Variants in ZNF236 observed in about 807,000 individuals in gnomAD.
ZNF236 encodes regulated by glucose.
ZNF236 carries 50 observed loss-of-function variants against 191.2 expected under a neutral mutation model. That is an observed-to-expected ratio of 0.26 (90% CI 0.21 to 0.33). The LOEUF (loss-of-function observed/expected upper bound fraction) is 0.33. Among genes scored for constraint, ZNF236 ranks in the 10% least tolerant of loss-of-function variants. ZNF236 has a pLI of 1.00. For synonymous variants in ZNF236, 907 were observed against 928.8 expected, an observed-to-expected ratio of 0.98 and a Z score of 0.43; for missense variants, 1,754 against 2,374.5, an observed-to-expected ratio of 0.74 and a Z score of 5.43.
intron 3 of ZNF236, among the ~76,000 whole-genome samples, chr18:76,858,146 C>T (rs1415143373): frequency 6.6e-6 from 1 of 152,122 alleles, no homozygotes; most frequent in African/African-American, 2.4e-5. Flanking sequence ...GTTTTTGGTT[C>T]TGTGTTGTTG....
At chr18:76,832,336 C>G (rs536190107) in intron 1 of ZNF236, among the ~76,000 whole-genome samples, 60 of 152,308 alleles carry the variant, frequency 3.9e-4, no homozygotes, top group Middle Eastern at 3.4e-3. Flanking sequence ...CCACCTTGAC[C>G]TCCCAAAGTG....
intron 27 of ZNF236, among the ~76,000 whole-genome samples, chr18:76,955,014 T>C (rs1039692359): frequency 1.3e-5 from 2 of 152,230 alleles, no homozygotes; most frequent in African/African-American, 4.8e-5. Flanking sequence ...ATTTGATAAA[T>C]TAGGAATAAT....
At chr18:76,835,143 C>T (rs940839860) in intron 1 of ZNF236, among the ~76,000 whole-genome samples, 2 of 152,110 alleles carry the variant, frequency 1.3e-5, no homozygotes, top group African/African-American at 4.8e-5. Flanking sequence ...CTTGTCTTCA[C>T]TAAGTTCAAG....
intron 25 of ZNF236, among the ~76,000 whole-genome samples, chr18:76,934,812 C>T (rs779924780): frequency 2.0e-5 from 3 of 152,140 alleles, no homozygotes; most frequent in Non-Finnish European, 4.4e-5. Context: ...TTCAGTTAAT[C>T]GCAAGAAAAA....
At chr18:76,890,051 G>A (rs556171097) in intron 9 of ZNF236, among the ~76,000 whole-genome samples, 4 of 152,194 alleles carry the variant, frequency 2.6e-5, no homozygotes, top group African/African-American at 4.8e-5. Flanking sequence ...TGCAGTGGCC[G>A]TGTGTGTAGC....
chr18:76,955,877 C>T (rs769042083), intron 27 of ZNF236, 108 bp from the exon 28 acceptor site: 52 of 1,249,564 alleles, frequency 4.2e-5, no homozygotes, highest in East Asian at 1.8e-4. Context: ...GTGGGCTTGG[C>T]GTGTCCGTGC....
intron 16 of ZNF236, 49 bp downstream of exon 16, chr18:76,910,860 A>G (rs1172763617): frequency 2.5e-6 from 4 of 1,588,402 alleles, no homozygotes; most frequent in African/African-American, 2.7e-5. Context: ...AGCAGGTGCT[A>G]TGTTATTCTT....
At chr18:76,860,485 C>T (rs141898835) in intron 3 of ZNF236, among the ~76,000 whole-genome samples, 11 of 152,348 alleles carry the variant, frequency 7.2e-5, no homozygotes, top group East Asian at 5.8e-4. Flanking sequence ...ACCTTCCCTT[C>T]GTCCTGTTTT....
intron 1 of ZNF236, among the ~76,000 whole-genome samples, chr18:76,833,160 T>C (rs1379988866): frequency 1.3e-5 from 2 of 152,208 alleles, no homozygotes; most frequent in Non-Finnish European, 2.9e-5. Context: ...TCAACAGGTT[T>C]ATTTCTTCAT....
chr18:76,833,264 G>A (rs1376050443), intron 1 of ZNF236, among the ~76,000 whole-genome samples: 1 of 152,096 alleles, frequency 6.6e-6, no homozygotes, highest in East Asian at 1.9e-4. Flanking sequence ...GTGAATAAGG[G>A]ACATTCTTGA....
At chr18:76,946,912 A>G (rs756397474) in intron 26 of ZNF236, among the ~76,000 whole-genome samples, 1 of 152,258 alleles carries the variant, frequency 6.6e-6, no homozygotes, top group Admixed American at 6.5e-5. Context: ...TATTTAAAGT[A>G]TACAATTGAA....
intron 4 of ZNF236, among the ~76,000 whole-genome samples, chr18:76,870,792 C>A (rs2122602541): frequency 6.6e-6 from 1 of 152,130 alleles, no homozygotes; most frequent in South Asian, 2.1e-4. Flanking sequence ...CAGTGAGCCT[C>A]CCTGGTCTGA....
rs930369780 is a variant in ZNF236 at position 76,927,813 on chromosome 18, C to A, written c.4415-114C>A. On this transcript the variant is annotated intron_variant, in intron 24 of 30. Transcript: ENST00000320610. The surrounding 1 kb of genome is among the most constrained non-coding windows in gnomAD (Gnocchi z 5.4). ...AGATGACTGATGCTTTGTTTTAAAT[C>A]TTTGTCTTATTGAAATATGTAATAA... 4.4e-6 allele frequency: 4 copies of A among 910,828 alleles called. No homozygotes were observed. The highest frequency in any genetic ancestry group is 3.4e-5 in the Admixed American group (1 of 29,194). The allele number at this position is 910,828 out of a possible 1,614,324, so 56.4% of individuals were successfully genotyped here.
intron 27 of ZNF236, among the ~76,000 whole-genome samples, chr18:76,948,492 C>T (rs1183317650): frequency 6.6e-6 from 1 of 152,188 alleles, no homozygotes; most frequent in African/African-American, 2.4e-5. Flanking sequence ...CAAGGTCTCA[C>T]TGGATTCAGA....
chr18:76,847,694 C>T (rs894100922), intron 1 of ZNF236, among the ~76,000 whole-genome samples: 1 of 152,110 alleles, frequency 6.6e-6, no homozygotes, highest in Non-Finnish European at 1.5e-5. Context: ...TGGTCTTGAT[C>T]TCCTGACTTC....
chr18:76,899,277 A>G (rs975540875), intron 11 of ZNF236, 55 bp downstream of exon 11: 2 of 1,463,922 alleles, frequency 1.4e-6, no homozygotes, highest in Non-Finnish European at 1.9e-6. Context: ...TTTCTTTGAC[A>G]TTTTGTGAAT....
intron 3 of ZNF236, among the ~76,000 whole-genome samples, chr18:76,854,500 T>G (rs1975986623): frequency 6.6e-6 from 1 of 151,898 alleles, no homozygotes. Flanking sequence ...TGGCAGCTCA[T>G]GCTTGTAATC....
intron 25 of ZNF236, among the ~76,000 whole-genome samples, chr18:76,936,874 G>A (rs1968014541): frequency 1.3e-5 from 2 of 152,136 alleles, no homozygotes; most frequent in Non-Finnish European, 2.9e-5. Flanking sequence ...TAGTAGCTGT[G>A]ACTGAGACTA....
chr18:76,872,184 A>G (rs1976600018), intron 5 of ZNF236, among the ~76,000 whole-genome samples: 1 of 152,170 alleles, frequency 6.6e-6, no homozygotes, highest in South Asian at 2.1e-4. Context: ...CACTAATTAG[A>G]GCTAAATTAA....
Sources: allele counts gnomAD v4.1 joint callset (sites outside exome capture counted in the v4.1 genomes callset), GRCh38; gene constraint gnomAD v4.1.1; non-coding constraint Gnocchi (gnomAD v3.1); transcripts MANE v1.5; gene names NCBI Gene and HGNC (gene_info 2026-07-23, HGNC 2026-07-21).